DNAI3: variants seen among roughly 807,000 people sequenced by gnomAD.
DNAI3 encodes the protein WD repeat domain 63.
A neutral mutation model predicts 115.5 loss-of-function variants in DNAI3; 83 were observed. The ratio of observed to expected loss-of-function variants is 0.72; its 90% CI spans 0.60 to 0.86. The LOEUF is 0.86. Ranked by LOEUF, DNAI3 falls within the 40% of genes least tolerant of loss-of-function variation. The pLI, the probability that DNAI3 is intolerant of heterozygous loss-of-function variation, is 0.00. For synonymous variants in DNAI3, 320 were observed against 347.0 expected (o/e 0.92, Z 0.86); for missense variants, 1,004 against 1,075.8 (o/e 0.93, Z 0.93).
intron 3 of DNAI3, among the ~76,000 whole-genome samples, chr1:85,074,023 T>G (rs1320396229): frequency 6.6e-6 from 1 of 152,184 alleles, no homozygotes; most frequent in Non-Finnish European, 1.5e-5. Context: ...AATAAATATT[T>G]ATTGAGTTAG....
rs1654741533 is a variant in DNAI3 at position 85,084,633 on chromosome 1, T to C, written c.478T>C (p.Trp160Arg). The C allele has an allele frequency of 3.2e-6, 5 of 1,570,254 alleles. No individual in the cohort carries two copies. The Admixed American group carries it at 5.4e-5, about 17-fold the overall frequency. Residue 160 changes from tryptophan (W) to arginine (R), a missense_variant, in exon 6 of 23, where the codon TGG becomes CGG. Coordinates refer to ENST00000294664, the MANE Select transcript of DNAI3 (RefSeq NM_145172.5). ...TTATAAACCACCTGTCTCTAAACCA[T>C]GGGTTTCTTTGGGCAGTGAAAAAGA... The part of the protein sequence containing the change: ...YIYKPPVSKP[W>R]VSLGSEKEIE...
At chr1:85,098,078 T>C (rs1655178661) in intron 12 of DNAI3, among the ~76,000 whole-genome samples, 1 of 152,208 alleles carries the variant, frequency 6.6e-6, no homozygotes, top group Admixed American at 6.5e-5. Context: ...GGTTACATCA[T>C]ATTTGATGAT....
At position 85,085,811 on chromosome 1, in the gene DNAI3, A is replaced by G. The variant is rs1654784356; in HGVS notation, c.541-20A>G. 7.5e-6 allele frequency: 12 copies of G among 1,609,394 alleles called. No individual in the cohort carries two copies. The highest frequency in any genetic ancestry group is 9.3e-6 in the Non-Finnish European group (11 of 1,176,476). ...TCAGGGACTTCATTATGTTACCTTT[A>G]CTGTTTACATGTGTTACAGATTACA... On this transcript the variant is annotated intron_variant, in intron 6 of 22. Transcript: ENST00000294664.
intron 3 of DNAI3, among the ~76,000 whole-genome samples, chr1:85,077,346 C>T (rs1654488570): frequency 6.6e-6 from 1 of 152,120 alleles, no homozygotes; most frequent in Non-Finnish European, 1.5e-5. Flanking sequence ...ACCAAATATT[C>T]TAAAACTTCT....
intron 3 of DNAI3, among the ~76,000 whole-genome samples, chr1:85,075,619 C>T (rs1654428565): frequency 6.6e-6 from 1 of 152,088 alleles, no homozygotes; most frequent in Non-Finnish European, 1.5e-5. Context: ...AAACTGAGAT[C>T]CCTTTTTCTA....
At chr1:85,130,667 TGATA>T (rs71736981) in intron 22 of DNAI3, among the ~76,000 whole-genome samples, 47,881 of 148,080 alleles carry the variant, frequency 0.32, 7,872 homozygotes, top group Non-Finnish European at 0.36. Context: ...ATTAGATAGA[TGATA>T]GATAGATAGA....
intron 7 of DNAI3, among the ~76,000 whole-genome samples, chr1:85,086,781 T>G (rs1654811751): frequency 6.6e-6 from 1 of 152,032 alleles, no homozygotes; most frequent in Non-Finnish European, 1.5e-5. Flanking sequence ...CTAAGTGGGC[T>G]TCCTCTAGCC....
At chr1:85,081,462 C>T in intron 4 of DNAI3, 47 bp downstream of exon 4, 2 of 1,475,008 alleles carry the variant, frequency 1.4e-6, no homozygotes, top group South Asian at 1.5e-5. Context: ...TCAAGAAGTT[C>T]CTGGTACATA....
In DNAI3 at chr1:85,100,264, A is replaced by G. The variant is rs1159717504; in HGVS notation, c.1479+1606A>G. On this transcript the variant is annotated intron_variant, in intron 13 of 22. Transcript: ENST00000294664. The stretch of plus-strand genomic sequence containing the variant: ...TATCCAGAATCTACAATGAACTCAA[A>G]CAAATTTACAAGAAAAAAACAAACA... Among the ~76,000 whole-genome samples, 18 of 152,330 alleles carry G rather than the reference A, an allele frequency of 1.2e-4. No individual in the cohort carries two copies. The East Asian group carries it at 3.5e-3, about 29-fold the overall frequency.
At chr1:85,064,629 G>A (rs957276034) in intron 1 of DNAI3, among the ~76,000 whole-genome samples, 1 of 152,106 alleles carries the variant, frequency 6.6e-6, no homozygotes, top group Non-Finnish European at 1.5e-5. Context: ...CCCTGGAGAG[G>A]TACCTCACGT....
intron 1 of DNAI3, among the ~76,000 whole-genome samples, chr1:85,071,150 G>C (rs1219981885): frequency 1.3e-5 from 2 of 152,206 alleles, no homozygotes; most frequent in East Asian, 3.8e-4. Flanking sequence ...CCATTAAATA[G>C]ATGAATAAAC....
intron 8 of DNAI3, 122 bp downstream of exon 8, chr1:85,090,354 T>A (rs989004684): frequency 2.0e-6 from 1 of 490,896 alleles, no homozygotes; most frequent in Non-Finnish European, 3.5e-6. Context: ...AAGACAGTTG[T>A]CAGTGTGACA....
intron 3 of DNAI3, among the ~76,000 whole-genome samples, chr1:85,079,498 C>T (rs1002923844): frequency 2.4e-4 from 37 of 152,104 alleles, no homozygotes; most frequent in Admixed American, 2.4e-3. Context: ...ATACACTTTC[C>T]CCCTTGCTGG....
intron 13 of DNAI3, among the ~76,000 whole-genome samples, chr1:85,103,034 G>C (rs928281845): frequency 5.3e-5 from 8 of 152,286 alleles, no homozygotes; most frequent in African/African-American, 1.9e-4. Context: ...TCAGGCCACA[G>C]AGATGTCCAT....
chr1:85,121,966 G>A (rs1006560989), intron 18 of DNAI3, 152 bp downstream of exon 18: 29 of 714,836 alleles, frequency 4.1e-5, no homozygotes, highest in Non-Finnish European at 6.2e-5. Flanking sequence ...CCTTGAATAA[G>A]CAGCATAGTC....
chr1:85,072,374 T>C (rs1273569461), intron 2 of DNAI3, among the ~76,000 whole-genome samples: 1 of 152,252 alleles, frequency 6.6e-6, no homozygotes, highest in Non-Finnish European at 1.5e-5. Context: ...CTGGGCGCGG[T>C]GGTTCACGCC....
chr1:85,120,338 T>C (rs945915120), intron 17 of DNAI3, among the ~76,000 whole-genome samples: 10 of 152,078 alleles, frequency 6.6e-5, no homozygotes, highest in Non-Finnish European at 1.3e-4. Flanking sequence ...CAGGCGGTGA[T>C]TTCAGGTGGG....
intron 17 of DNAI3, 99 bp downstream of exon 17, chr1:85,117,958 A>G: frequency 1.5e-6 from 2 of 1,373,440 alleles, no homozygotes; most frequent in Non-Finnish European, 2.0e-6. Flanking sequence ...AAGACATAAA[A>G]GTTATACCAT....
At chr1:85,079,451 T>C (rs749936499) in intron 3 of DNAI3, among the ~76,000 whole-genome samples, 12 of 152,174 alleles carry the variant, frequency 7.9e-5, no homozygotes, top group Non-Finnish European at 1.3e-4. Flanking sequence ...ATATTTCTAT[T>C]GGAAAATAAG....
Sources: allele counts gnomAD v4.1 joint callset (sites outside exome capture counted in the v4.1 genomes callset), GRCh38; gene constraint gnomAD v4.1.1; transcripts MANE v1.5; gene names NCBI Gene and HGNC (gene_info 2026-07-23, HGNC 2026-07-21).